The following RPSA2 variants were observed in gnomAD, a reference collection of about 807,000 sequenced individuals.
RPSA2 encodes the protein ribosomal protein SA 2, also known as small ribosomal subunit protein uS2B.
chr19:23,840,540 CA>C, the RPSA2 span, among the ~76,000 whole-genome samples: 1 of 152,138 alleles, frequency 6.6e-6, no homozygotes. Flanking sequence ...TTTTTAAATG[CA>C]CACTTAAAAA....
the RPSA2 span, among the ~76,000 whole-genome samples, chr19:23,866,538 T>C: frequency 3.1e-5 from 4 of 129,196 alleles, no homozygotes; most frequent in African/African-American, 1.1e-4. Context: ...GTGGAAATAA[T>C]GCCAGGACTC....
At chr19:23,761,218 T>C in the RPSA2 span, among the ~76,000 whole-genome samples, 1 of 151,848 alleles carries the variant, frequency 6.6e-6, no homozygotes, top group African/African-American at 2.4e-5. Flanking sequence ...TAGGTGAGAC[T>C]ATAGGCAGGC....
the RPSA2 span, among the ~76,000 whole-genome samples, chr19:23,838,805 C>T: frequency 0.36 from 55,059 of 151,812 alleles, 10,536 homozygotes; most frequent in East Asian, 0.53. Flanking sequence ...TCTTTAGTTT[C>T]ATTTCTCAGT....
chr19:23,773,404 G>C, the RPSA2 span, among the ~76,000 whole-genome samples: 148,678 of 151,998 alleles, frequency 0.98, 72,807 homozygotes, highest in Middle Eastern at 1. Flanking sequence ...CTGCCTCAGC[G>C]TCCTGAGTAG....
chr19:23,832,926 A>T, the RPSA2 span: 3 of 1,527,498 alleles, frequency 2.0e-6, no homozygotes, highest in Non-Finnish European at 2.7e-6. Flanking sequence ...ACCTGTCTTC[A>T]AGCTTTACTA....
chr19:23,820,316 T>C, the RPSA2 span, among the ~76,000 whole-genome samples: 4 of 152,198 alleles, frequency 2.6e-5, no homozygotes, highest in Non-Finnish European at 4.4e-5. Context: ...CTTGGTGGAA[T>C]TGCCTCACAA....
the RPSA2 span, among the ~76,000 whole-genome samples, chr19:23,849,969 G>A: frequency 5.9e-5 from 9 of 152,070 alleles, no homozygotes; most frequent in Non-Finnish European, 1.0e-4. Context: ...CAAATGTCCC[G>A]GTTCTCTTGT....
chr19:23,791,787 TGG>T, the RPSA2 span, among the ~76,000 whole-genome samples: 1 of 356 alleles, frequency 2.8e-3, no homozygotes, highest in East Asian at 0.25. Flanking sequence ...TCTCTGAGAC[TGG>T]AGTGCAGTGG....
chr19:23,795,155 C>T, the RPSA2 span, among the ~76,000 whole-genome samples: 148,521 of 151,812 alleles, frequency 0.98, 72,734 homozygotes, highest in Middle Eastern at 1. Context: ...CTTGGCTATT[C>T]GGACTCTTTT....
the RPSA2 span, chr19:23,782,353 G>T: frequency 0.98 from 148,801 of 152,132 alleles, 72,862 homozygotes; most frequent in Middle Eastern, 1. Context: ...AACTTCTTTT[G>T]TTTTGGCTCT....
the RPSA2 span, among the ~76,000 whole-genome samples, chr19:23,779,251 C>T: frequency 6.6e-6 from 1 of 152,170 alleles, no homozygotes; most frequent in South Asian, 2.1e-4. Context: ...CCACCCGCCT[C>T]AGCCTCCCAA....
the RPSA2 span, chr19:23,833,033 T>A: frequency 3.6e-6 from 5 of 1,378,528 alleles, no homozygotes; most frequent in Non-Finnish European, 4.8e-6. Context: ...CATAAGAGAA[T>A]TCATACTGGA....
At chr19:23,784,127 T>G in the RPSA2 span, among the ~76,000 whole-genome samples, 1 of 152,202 alleles carries the variant, frequency 6.6e-6, no homozygotes, top group African/African-American at 2.4e-5. Context: ...AAGAAGCCAG[T>G]AGGAGAGATA....
chr19:23,787,023 A>G, the RPSA2 span, among the ~76,000 whole-genome samples: 2 of 151,876 alleles, frequency 1.3e-5, no homozygotes, highest in Non-Finnish European at 2.9e-5. Flanking sequence ...TGGTTGACAT[A>G]TTACTGGGCC....
At chr19:23,804,283 GC>G in the RPSA2 span, among the ~76,000 whole-genome samples, 4 of 142,558 alleles carry the variant, frequency 2.8e-5, 1 homozygote, top group South Asian at 9.1e-4. Flanking sequence ...TCTGTCCTGT[GC>G]CTCATTTTTC....
At chr19:23,802,376 C>T in the RPSA2 span, among the ~76,000 whole-genome samples, 1 of 152,248 alleles carries the variant, frequency 6.6e-6, no homozygotes, top group South Asian at 2.1e-4. Flanking sequence ...TCTGGAGCTC[C>T]ACCAGGATAG....
the RPSA2 span, among the ~76,000 whole-genome samples, chr19:23,777,425 T>G: frequency 6.6e-6 from 1 of 152,182 alleles, no homozygotes; most frequent in East Asian, 1.9e-4. Flanking sequence ...TGCCTGGGCC[T>G]TGATGAAACA....
At chr19:23,835,266 A>C in the RPSA2 span, among the ~76,000 whole-genome samples, 1 of 152,112 alleles carries the variant, frequency 6.6e-6, no homozygotes, top group Non-Finnish European at 1.5e-5. Flanking sequence ...ATGGACTGTT[A>C]GTATTGATTT....
chr19:23,843,540 C>T, the RPSA2 span, among the ~76,000 whole-genome samples: 1 of 152,086 alleles, frequency 6.6e-6, no homozygotes, highest in Non-Finnish European at 1.5e-5. Context: ...TAAGGTACTG[C>T]ATGATATACC....
Sources: gnomAD v4.1 joint callset for allele counts (sites outside exome capture counted in the v4.1 genomes callset) on GRCh38, gnomAD v4.1.1 for gene constraint, MANE v1.5 for transcripts, NCBI Gene and HGNC (gene_info 2026-07-23, HGNC 2026-07-21) for gene names.